CCDC171: variants seen among roughly 807,000 people sequenced by gnomAD.
The protein encoded by CCDC171 is coiled-coil domain containing 171.
In CCDC171, 177 loss-of-function variants were observed where a neutral mutation model predicts 168.2. The observed-to-expected ratio is 1.05, with a 90% CI of 0.93 to 1.19. The LOEUF (loss-of-function observed/expected upper bound fraction) is 1.19. Among genes scored for constraint, CCDC171 ranks in the 50% most tolerant of loss-of-function variants. The probability of loss-of-function intolerance (pLI) is 0.00; values close to 1 mark genes in which losing one functional copy is unlikely to be tolerated. For missense variants in CCDC171, 1,991 were observed against 1,539.0 expected (o/e 1.29, Z -4.91); for synonymous variants, 687 against 540.8 (o/e 1.27, Z -3.75).
At position 15,657,185 on chromosome 9, in the gene CCDC171, A is replaced by G. The variant is rs771117530; in HGVS notation, c.881A>G (p.His294Arg). Residue 294 changes from histidine (H) to arginine (R), a missense_variant, in exon 8 of 26, where the codon CAT (histidine) becomes CGT (arginine). Physicochemically the swap from His to Arg is conservative, Grantham distance 29 (BLOSUM62 0). Coordinates refer to ENST00000380701, the MANE Select transcript of CCDC171 (RefSeq NM_173550.4). Reference protein sequence around the residue: ...EENIEAERAAHLESKFNSEII... With the variant: ...EENIEAERAARLESKFNSEII... ...AACATTGAAGCAGAAAGAGCAGCGC[A>G]TTTGGAATCAAAATTTAATTCTGAA... 1.9e-6 allele frequency: 3 copies of G among 1,611,462 alleles called. No homozygotes were observed. The highest frequency in any genetic ancestry group is 1.7e-5 in the Admixed American group (1 of 59,798).
chr9:15,782,381 T>C (rs1181724884), intron 20 of CCDC171, among the ~76,000 whole-genome samples: 1 of 152,228 alleles, frequency 6.6e-6, no homozygotes. Flanking sequence ...TGCGTTGCTA[T>C]ACTTGCTTGA....
rs528233434 is a variant in CCDC171 at position 15,821,088 on chromosome 9, C to A, written c.3268-25614C>A. Reference sequence around the variant, plus strand: ...TAAACAGACCCAAAGACAAAAATCACATGATTATCTCAATAGATGCAGAAA... The same window carrying A: ...TAAACAGACCCAAAGACAAAAATCAAATGATTATCTCAATAGATGCAGAAA... On this transcript the variant is annotated intron_variant, in intron 21 of 25. Transcript: ENST00000380701. Among the ~76,000 whole-genome samples the A allele has an allele frequency of 3.4e-5, 4 of 117,676 alleles. 1 individual carries two copies. In the South Asian group the frequency reaches 1.1e-3, roughly 33 times the overall value. 77.2% of individuals were successfully genotyped at this position (117,676 alleles called of 152,430 possible).
rs2044498095 is a variant in CCDC171, at chr9:15,621,451, A to G, written c.676-1816A>G. Among the ~76,000 whole-genome samples the G allele has an allele frequency of 2.6e-5, 4 of 152,284 alleles. 1 individual carries two copies. The South Asian group carries it at 8.3e-4, about 32-fold the overall frequency. On this transcript the variant is annotated intron_variant, in intron 6 of 25. Transcript: ENST00000380701. ...AGTGGTCTGGAACTGAACCAGCCAT[A>G]TCTCTAAGGTATGCCTTTGTTAAGA...
chr9:15,680,984 A>T (rs2133459392), intron 10 of CCDC171, among the ~76,000 whole-genome samples: 1 of 152,250 alleles, frequency 6.6e-6, no homozygotes, highest in South Asian at 2.1e-4. Context: ...ATAAAATGAG[A>T]CTGGTTTAAC....
intron 21 of CCDC171, among the ~76,000 whole-genome samples, chr9:15,813,396 T>C (rs1051751438): frequency 2.0e-4 from 30 of 152,186 alleles, no homozygotes. Context: ...ACCATCTATT[T>C]TGGAATTTAT....
At chr9:16,026,964 T>G (rs1045657222) in intron 6 of CCDC171, among the ~76,000 whole-genome samples, 1 of 152,226 alleles carries the variant, frequency 6.6e-6, no homozygotes, top group African/African-American at 2.4e-5. Flanking sequence ...TCATGCAGCA[T>G]GGTCATCTGT....
chr9:15,991,420 A>C (rs371241441), intron 3 of CCDC171, among the ~76,000 whole-genome samples: 2,132 of 139,086 alleles, frequency 0.015, 88 homozygotes, highest in African/African-American at 0.069. Flanking sequence ...TCTGGGACAC[A>C]TTCAAAGAAG....
intron 6 of CCDC171, among the ~76,000 whole-genome samples, chr9:15,594,456 A>C (rs547277309): frequency 6.6e-6 from 1 of 152,254 alleles, no homozygotes; most frequent in African/African-American, 2.4e-5. Flanking sequence ...TTTGAGACTA[A>C]TAGCTGTTTT....
At chr9:16,027,456 C>G (rs1004177100) in intron 6 of CCDC171, among the ~76,000 whole-genome samples, 1 of 152,164 alleles carries the variant, frequency 6.6e-6, no homozygotes, top group Non-Finnish European at 1.5e-5. Flanking sequence ...ACTATGCTGA[C>G]TCAGAATAAT....
chr9:16,035,963 T>A (rs1192667747), intron 7 of CCDC171: 2 of 152,188 alleles, frequency 1.3e-5, no homozygotes, highest in Non-Finnish European at 2.9e-5. Flanking sequence ...CTTTAATAAT[T>A]TTGTGCCCAC....
chr9:15,920,555 A>G (rs909882747), intron 25 of CCDC171, 133 bp downstream of exon 25: 8 of 652,518 alleles, frequency 1.2e-5, no homozygotes, highest in Non-Finnish European at 1.7e-5. Flanking sequence ...AGTGACATAA[A>G]ATTATTTGTG....
At chr9:15,635,832 G>GT (rs1490425208) in intron 7 of CCDC171, among the ~76,000 whole-genome samples, 2 of 152,094 alleles carry the variant, frequency 1.3e-5, no homozygotes. Context: ...GGGTCACATG[G>GT]TAACTATATG....
intron 3 of CCDC171, among the ~76,000 whole-genome samples, chr9:15,979,536 A>G (rs541759564): frequency 2.6e-5 from 4 of 152,182 alleles, no homozygotes; most frequent in African/African-American, 9.6e-5. Context: ...TTCTGTATCT[A>G]TTGAGATGAT....
chr9:15,952,731 A>G (rs186778244), intron 25 of CCDC171, among the ~76,000 whole-genome samples: 5 of 152,154 alleles, frequency 3.3e-5, no homozygotes, highest in Non-Finnish European at 7.4e-5. Context: ...TTTCATTGGG[A>G]TTTTGATAGG....
At chr9:15,691,546 T>TTATATATATATATGTATA (rs2050788945) in intron 10 of CCDC171, among the ~76,000 whole-genome samples, 2 of 106,402 alleles carry the variant, frequency 1.9e-5, no homozygotes, top group African/African-American at 7.8e-5. Context: ...TATATGTTTT[T>TTATATATATATATGTATA]TATATATATA....
rs534010301 is a variant in CCDC171 at position 15,628,481 on chromosome 9, C to T, written c.822+5068C>T. Among the ~76,000 whole-genome samples, 7 of 152,262 alleles carry T rather than the reference C, an allele frequency of 4.6e-5. No individual in the cohort carries two copies. In the South Asian group the frequency reaches 1.0e-3, roughly 23 times the overall value. The stretch of plus-strand genomic sequence containing the variant: ...GGCGGCAGCGAGGCTAGGGGAGGGG[C>T]GGCTGCCATTGCCCAGGCTTGCTTA... On this transcript the variant is annotated intron_variant, in intron 7 of 25. Coordinates refer to ENST00000380701, the MANE Select transcript of CCDC171 (RefSeq NM_173550.4).
chr9:15,761,215 G>A (rs2056428430), intron 18 of CCDC171, among the ~76,000 whole-genome samples: 1 of 152,090 alleles, frequency 6.6e-6, no homozygotes, highest in Admixed American at 6.5e-5. Context: ...ATATACCCCT[G>A]CTAGTACAAC....
intron 23 of CCDC171, among the ~76,000 whole-genome samples, chr9:15,852,314 A>G (rs761912520): frequency 2.1e-4 from 32 of 151,622 alleles, no homozygotes; most frequent in Admixed American, 4.6e-4. Context: ...TTTGATTTGT[A>G]TTTTCCTAAT....
At chr9:15,857,074 A>G (rs11562188) in intron 23 of CCDC171, among the ~76,000 whole-genome samples, 54,899 of 151,830 alleles carry the variant, frequency 0.36, 12,414 homozygotes, top group East Asian at 0.65. Context: ...TCTTTTTGCT[A>G]TTAAGTTGTA....
Sources: allele counts gnomAD v4.1 joint callset (sites outside exome capture counted in the v4.1 genomes callset), GRCh38; gene constraint gnomAD v4.1.1; transcripts MANE v1.5; gene names NCBI Gene and HGNC (gene_info 2026-07-23, HGNC 2026-07-21).